STOX2: variants seen among roughly 807,000 people sequenced by gnomAD.
STOX2 encodes the protein storkhead-box protein 2.
STOX2 carries 28 observed loss-of-function variants against 60.9 expected under a neutral mutation model. That is an observed-to-expected ratio of 0.46 (90% CI 0.34 to 0.63). STOX2 has a LOEUF of 0.63. STOX2 is among the 30% of genes least tolerant of loss of function. The pLI is 0.01. For synonymous variants in STOX2, 472 were observed against 463.9 expected, an observed-to-expected ratio of 1.02 and a Z score of -0.22; for missense variants, 1,024 against 1,187.7, an observed-to-expected ratio of 0.86 and a Z score of 2.03.
chr4:183,883,625 T>G (rs928632377), intron 1 of STOX2, among the ~76,000 whole-genome samples: 13 of 152,118 alleles, frequency 8.5e-5, no homozygotes, highest in Non-Finnish European at 7.4e-5. Context: ...CGACCTGTTA[T>G]AAATATTATA....
chr4:183,836,174 T>C lies in STOX2; in HGVS notation c.364+38119T>C, dbSNP rs542050400. On this transcript the variant is annotated intron_variant, in intron 1 of 2. Transcript: ENST00000513034. This position sits in a 1 kb window ranked among gnomAD's most constrained non-coding sequence, Gnocchi z 4.1. ...CTGTTTATCATAGCCTTTGGAGAAA[T>C]GTCTGTTCAAATCCTTTGCCCATTG... is the stretch of plus-strand genomic sequence containing the variant. Among the ~76,000 whole-genome samples, 386 of 152,284 alleles carry C rather than the reference T, an allele frequency of 2.5e-3. 2 individuals carry two copies. Among genetic ancestry groups the C allele is most frequent in the Non-Finnish European group, 4.6e-3 (312 of 68,016 alleles).
intron 1 of STOX2, among the ~76,000 whole-genome samples, chr4:183,820,093 T>A (rs948212651): frequency 6.6e-6 from 1 of 152,176 alleles, no homozygotes; most frequent in African/African-American, 2.4e-5. Flanking sequence ...AAATCCTGAC[T>A]TTTTCTTTTT....
At chr4:183,884,093 A>G (rs550884587) in intron 1 of STOX2, among the ~76,000 whole-genome samples, 3 of 152,118 alleles carry the variant, frequency 2.0e-5, no homozygotes, top group Admixed American at 6.5e-5. Context: ...ACCTTAGGTG[A>G]TCCGCCCCCC....
chr4:183,896,383 C>T (rs1325978267), intron 1 of STOX2, among the ~76,000 whole-genome samples: 2 of 152,164 alleles, frequency 1.3e-5, no homozygotes, highest in Non-Finnish European at 2.9e-5. Context: ...TACTCTGTTG[C>T]TGAGATTGGA....
chr4:183,859,916 A>G (rs1199391327), intron 1 of STOX2, among the ~76,000 whole-genome samples: 1 of 33,286 alleles, frequency 3.0e-5, no homozygotes, highest in Non-Finnish European at 9.6e-5. Context: ...GTTTACTGAC[A>G]GATTAGATTA....
chr4:183,849,015 CT>C (rs1740048628), intron 1 of STOX2, among the ~76,000 whole-genome samples: 1 of 152,110 alleles, frequency 6.6e-6, no homozygotes, highest in Admixed American at 6.6e-5. Flanking sequence ...TCTCCAGGCC[CT>C]TAGATAACTA....
intron 1 of STOX2, among the ~76,000 whole-genome samples, chr4:183,842,777 G>T (rs928828682): frequency 2.0e-5 from 3 of 152,062 alleles, no homozygotes; most frequent in Non-Finnish European, 4.4e-5. Flanking sequence ...TTTGAAACTT[G>T]CTTGACACTG....
In STOX2 at chr4:183,906,917, G is replaced by T; in HGVS notation, c.127G>T (p.Ala43Ser). The change falls in exon 1 of 4, where the codon GCC (alanine) becomes TCC (serine). Residue 43 changes from alanine (A) to serine (S), a missense_variant. By Grantham distance (99) the Ala-to-Ser change is moderately conservative. This residue lies in a region of STOX2 where 98 missense variants were observed against 110.2 expected (regional missense o/e 0.89). Coordinates refer to ENST00000308497, the MANE Select transcript of STOX2 (RefSeq NM_020225.3). The stretch of plus-strand genomic sequence containing the variant: ...CCGCCTGCACAAGCGTTTCCCCGCG[G>T]CCTTCGCGCCCCAGGCTTCGCGGGG... ...DYRLHKRFPA[A>S]FAPQASRGYM... The T allele has an allele frequency of 6.5e-7, 1 of 1,549,668 alleles. No homozygotes were observed.
At chr4:184,015,071 CT>C (rs1380807931) in intron 3 of STOX2, 1 of 152,178 alleles carries the variant, frequency 6.6e-6, no homozygotes, top group African/African-American at 2.4e-5. Flanking sequence ...CATTTTCTAC[CT>C]TATTAGTGTA....
intron 1 of STOX2, among the ~76,000 whole-genome samples, chr4:183,983,845 T>G (rs1156648066): frequency 6.6e-6 from 1 of 152,242 alleles, no homozygotes; most frequent in Non-Finnish European, 1.5e-5. Flanking sequence ...AGTGCAGTGG[T>G]GCAATCATAG....
chr4:183,945,871 C>T (rs1376492362), intron 1 of STOX2, among the ~76,000 whole-genome samples: 2 of 152,152 alleles, frequency 1.3e-5, no homozygotes, highest in Non-Finnish European at 2.9e-5. Flanking sequence ...GCCATCGTAT[C>T]CTCCTTTAGA....
At chr4:184,014,109 C>T (rs1429452364) in intron 3 of STOX2, 2 of 48,204 alleles carry the variant, frequency 4.1e-5, no homozygotes, top group Non-Finnish European at 1.0e-4. Flanking sequence ...TAAGCCCCAA[C>T]CAAAAAAAAA....
chr4:183,802,465 C>G (rs1738787195), intron 1 of STOX2, among the ~76,000 whole-genome samples: 1 of 152,080 alleles, frequency 6.6e-6, no homozygotes, highest in South Asian at 2.1e-4. Context: ...GCCTCCAACT[C>G]CTGAGCTCAA....
At chr4:183,850,891 A>AAAGGATGAGGGAAAGGATGAGG (rs1740104484) in intron 1 of STOX2, among the ~76,000 whole-genome samples, 1 of 64,912 alleles carries the variant, frequency 1.5e-5, no homozygotes, top group Non-Finnish European at 3.3e-5. Flanking sequence ...AAAGGATGAG[A>AAAGGATGAGGGAAAGGATGAGG]GAAACGATGA....
At chr4:183,888,678 G>A (rs1289441128) in intron 1 of STOX2, among the ~76,000 whole-genome samples, 3 of 152,182 alleles carry the variant, frequency 2.0e-5, no homozygotes, top group Admixed American at 2.0e-4. Flanking sequence ...TTATTTCTGG[G>A]CCCTGGGGCT....
At chr4:183,897,775 C>T (rs566464771) in intron 1 of STOX2, among the ~76,000 whole-genome samples, 6 of 152,326 alleles carry the variant, frequency 3.9e-5, no homozygotes, top group African/African-American at 1.4e-4. Flanking sequence ...GAACAGAAGT[C>T]AGCTGGCTCA....
intron 1 of STOX2, among the ~76,000 whole-genome samples, chr4:183,980,972 C>T (rs2111188075): frequency 6.6e-6 from 1 of 152,198 alleles, no homozygotes; most frequent in East Asian, 1.9e-4. Flanking sequence ...ATAACTAATT[C>T]CAGCTAAAAG....
At position 183,891,295 on chromosome 4, in the gene STOX2, AATATATATATATAT is replaced by A. The variant is rs1741203018; in HGVS notation, c.364+93241_364+93254del. Among the ~76,000 whole-genome samples the A allele has an allele frequency of 4.8e-4, 4 of 8,388 alleles. No homozygotes were observed. The Admixed American group carries it at 6.0e-3, about 12-fold the overall frequency. 5.5% of individuals were successfully genotyped at this position (8,388 alleles called of 152,430 possible). ...GTGTGTGTATGTGTGTATATGATGG[AATATATATATATAT>A]CTATGATGGAATATATATATCTATG... On this transcript the variant is annotated intron_variant, in intron 1 of 2. Transcript: ENST00000513034.
chr4:184,009,822 G>A lies in STOX2; in HGVS notation c.984G>A (p.Met328Ile). 1 of 1,611,884 alleles carries A rather than the reference G, an allele frequency of 6.2e-7. No homozygotes were observed. The highest frequency in any genetic ancestry group is 8.5e-7 in the Non-Finnish European group (1 of 1,179,010). Residue 328 changes from methionine (M) to isoleucine (I), a missense_variant, in exon 3 of 4, where the codon ATG becomes ATA. Transcript: ENST00000308497. The surrounding 1 kb of genome is among the most constrained non-coding windows in gnomAD (Gnocchi z 4.0). ...INPDLTVENV[M>I]RHTALMKKLE... is the part of the protein sequence containing the mutation. ...CAGACCTGACCGTGGAAAATGTCAT[G>A]CGGCACACCGCGCTCATGAAGAAAC... is the stretch of plus-strand genomic sequence containing the variant.
Sources: gnomAD v4.1 joint callset for allele counts (sites outside exome capture counted in the v4.1 genomes callset) on GRCh38, gnomAD v4.1.1 for gene constraint, gnomAD v4.1.1 regional missense constraint, Gnocchi (gnomAD v3.1) non-coding constraint, MANE v1.5 for transcripts, NCBI Gene and HGNC (gene_info 2026-07-23, HGNC 2026-07-21) for gene names.